The following PDE6A variants were observed in gnomAD, a reference collection of about 807,000 sequenced individuals.
PDE6A encodes phosphodiesterase 6A, also known as rod cGMP-specific 3',5'-cyclic phosphodiesterase subunit alpha.
Under a neutral mutation model 106.3 loss-of-function variants are expected in PDE6A, and 84 were observed. The ratio of observed to expected loss-of-function variants is 0.79; its 90% CI spans 0.66 to 0.95. The LOEUF (loss-of-function observed/expected upper bound fraction) is 0.95, where lower values mean the gene tolerates loss of function less well. PDE6A is among the 40% of genes least tolerant of loss of function. The pLI is 0.00. For missense variants in PDE6A, 1,052 were observed against 1,084.9 expected (o/e 0.97, Z 0.43); for synonymous variants, 394 against 386.6 (o/e 1.02, Z -0.23).
intron 4 of PDE6A, among the ~76,000 whole-genome samples, chr5:149,927,071 C>T (rs921437930): frequency 1.1e-4 from 16 of 151,824 alleles, no homozygotes; most frequent in African/African-American, 3.4e-4. Context: ...GGATATGCTC[C>T]AGGAAATGTG....
chr5:149,867,319 G>C (rs1313939784), intron 19 of PDE6A: 1 of 312,304 alleles, frequency 3.2e-6, no homozygotes, highest in African/African-American at 2.1e-5. Context: ...CTCACTCTGT[G>C]CTGTTAGATT....
intron 3 of PDE6A, among the ~76,000 whole-genome samples, chr5:149,932,886 C>A (rs1754083301): frequency 6.6e-6 from 1 of 152,258 alleles, no homozygotes; most frequent in Non-Finnish European, 1.5e-5. Flanking sequence ...CTCAAGTGGG[C>A]GCTCTCAGAG....
chr5:149,902,821 C>CAA (rs773375068), intron 8 of PDE6A, among the ~76,000 whole-genome samples: 8 of 105,552 alleles, frequency 7.6e-5, no homozygotes, highest in African/African-American at 2.0e-4. Flanking sequence ...GACTCCGTCT[C>CAA]AAAAAAAAAA....
intron 19 of PDE6A, 106 bp from the exon 20 acceptor site, chr5:149,866,359 G>C (rs1760331888): frequency 1.2e-6 from 1 of 811,456 alleles, no homozygotes; most frequent in Non-Finnish European, 2.1e-6. Flanking sequence ...CATGTTTCCA[G>C]ACCTGATGAG....
At chr5:149,861,048 C>T in intron 21 of PDE6A, 77 bp from the exon 22 acceptor site, 1 of 1,325,922 alleles carries the variant, frequency 7.5e-7, no homozygotes, top group Non-Finnish European at 1.1e-6. Flanking sequence ...TAATTTGGAC[C>T]AAGAGTTGCA....
intron 6 of PDE6A, among the ~76,000 whole-genome samples, chr5:149,912,787 G>C (rs1445032157): frequency 6.6e-6 from 1 of 152,058 alleles, no homozygotes; most frequent in Non-Finnish European, 1.5e-5. Context: ...GGCCTATCTT[G>C]GCTGAAACAA....
chr5:149,927,427 C>G (rs1202570548), intron 4 of PDE6A, among the ~76,000 whole-genome samples: 1 of 152,020 alleles, frequency 6.6e-6, no homozygotes, highest in African/African-American at 2.4e-5. Flanking sequence ...CCTTAGCTTA[C>G]TGTAATTTTT....
intron 7 of PDE6A, among the ~76,000 whole-genome samples, chr5:149,904,848 G>A (rs1753124912): frequency 6.6e-6 from 1 of 152,134 alleles, no homozygotes; most frequent in East Asian, 1.9e-4. Context: ...TCTCTCTCAT[G>A]CTTGAAAATG....
At chr5:149,896,607 A>G in intron 11 of PDE6A, 104 bp downstream of exon 11, 3 of 1,613,798 alleles carry the variant, frequency 1.9e-6, no homozygotes, top group African/African-American at 2.7e-5. Context: ...AAGGATCAGA[A>G]CAGAGTGATG....
chr5:149,870,921 GAAGA>G lies in PDE6A; in HGVS notation c.2136-2767_2136-2764del, dbSNP rs1209739465. Reference sequence around the variant, plus strand: ...AGAAAGGAAAAGAAAGAGAAAGAAAGAAGAAAGAAAGGAAGAGAAGAGAAGAGAA... The same window carrying G: ...AGAAAGGAAAAGAAAGAGAAAGAAAGAAGAAAGGAAGAGAAGAGAAGAGAA... On this transcript the variant is annotated intron_variant, in intron 17 of 21. Coordinates refer to ENST00000255266, the MANE Select transcript of PDE6A (RefSeq NM_000440.3). 6.7e-5 allele frequency among the ~76,000 whole-genome samples: 10 copies of G among 149,298 alleles called. No homozygotes were observed. The South Asian group carries it at 8.5e-4, about 13-fold the overall frequency.
rs569021800 is a variant in PDE6A at position 149,863,462 on chromosome 5, G to C, written c.2359-196C>G. Reference sequence around the variant, plus strand: ...CACCTGCTTAGAAGCCTCCTGTGGCGCCCCTGTCCTTCAGCATGAAGTGAA... The same window carrying C: ...CACCTGCTTAGAAGCCTCCTGTGGCCCCCCTGTCCTTCAGCATGAAGTGAA... On this transcript the variant is annotated intron_variant, in intron 20 of 21. Coordinates refer to ENST00000255266, the MANE Select transcript of PDE6A (RefSeq NM_000440.3). The surrounding 1 kb of genome is among the most constrained non-coding windows in gnomAD (Gnocchi z 4.7). Among the ~76,000 whole-genome samples the C allele has an allele frequency of 2.1e-3, 317 of 152,228 alleles. No individual in the cohort carries two copies. The highest frequency in any genetic ancestry group is 3.6e-3 in the Non-Finnish European group (244 of 68,004).
chr5:149,870,948 G>T (rs1284688408), intron 17 of PDE6A, among the ~76,000 whole-genome samples: 1 of 111,238 alleles, frequency 9.0e-6, no homozygotes, highest in African/African-American at 3.5e-5. Context: ...GAAGAGAAGA[G>T]AAAAGAAAAG....
intron 4 of PDE6A, among the ~76,000 whole-genome samples, chr5:149,929,382 G>T (rs756888476): frequency 2.0e-5 from 3 of 152,100 alleles, no homozygotes; most frequent in African/African-American, 7.2e-5. Context: ...CGAGGCAGGC[G>T]GATCACGAGG....
rs1760465849 is a variant in PDE6A at position 149,869,704 on chromosome 5, G to A, written c.2136-1546C>T. Among the ~76,000 whole-genome samples the A allele has an allele frequency of 1.3e-5, 2 of 152,166 alleles. 1 individual carries two copies. Among genetic ancestry groups the A allele is most frequent in the Non-Finnish European group, 2.9e-5 (2 of 68,030 alleles). On this transcript the variant is annotated intron_variant, in intron 17 of 21. Transcript: ENST00000255266. Reference sequence around the variant, plus strand: ...CTGTGCTGCAGGAAGGCAGCTGGCAGGACTAGTAGGATGGAGAAGGAAGAA... The same window carrying A: ...CTGTGCTGCAGGAAGGCAGCTGGCAAGACTAGTAGGATGGAGAAGGAAGAA...
intron 1 of PDE6A, among the ~76,000 whole-genome samples, chr5:149,937,219 G>A (rs78710958): frequency 0.051 from 7,710 of 152,268 alleles, 643 homozygotes; most frequent in African/African-American, 0.17. Context: ...AGGTAGGAAT[G>A]AGGCTGGTCC....
chr5:149,914,890 G>T (rs2113628430), intron 6 of PDE6A, 53 bp downstream of exon 6: 1 of 1,183,150 alleles, frequency 8.5e-7, no homozygotes, highest in Non-Finnish European at 1.3e-6. Flanking sequence ...AAAGCCAATT[G>T]AGATCTTTAA....
At chr5:149,922,399 C>T (rs1753750231) in intron 4 of PDE6A, among the ~76,000 whole-genome samples, 1 of 152,090 alleles carries the variant, frequency 6.6e-6, no homozygotes, top group African/African-American at 2.4e-5. Context: ...GCAACCTCCA[C>T]CTCCCGGGTT....
chr5:149,860,611 C>T lies in PDE6A; in HGVS notation c.*284G>A. 1 of 357,002 alleles carries T rather than the reference C, an allele frequency of 2.8e-6. No individual in the cohort carries two copies. The highest frequency in any genetic ancestry group is 5.1e-6 in the Non-Finnish European group (1 of 195,854). The allele number at this position is 357,002 out of a possible 1,614,324, so 22.1% of individuals were successfully genotyped here. A position where few individuals can be genotyped will look rare whatever the true frequency, so the allele number is the denominator to read the frequency against. Reference sequence around the variant, plus strand: ...CTTTGAATGCGGCCCAACACAAATTCATAAACTTTCTTAAAACATTATGAA... The same window carrying T: ...CTTTGAATGCGGCCCAACACAAATTTATAAACTTTCTTAAAACATTATGAA... On this transcript the variant is annotated 3_prime_UTR_variant, in exon 22 of 22. Coordinates refer to ENST00000255266, the MANE Select transcript of PDE6A (RefSeq NM_000440.3).
At chr5:149,928,232 T>TACATA (rs1554091941) in intron 4 of PDE6A, among the ~76,000 whole-genome samples, 1 of 11,366 alleles carries the variant, frequency 8.8e-5, no homozygotes, top group Non-Finnish European at 1.8e-4. Flanking sequence ...TATATATATA[T>TACATA]TTTTTTTTTT....
Sources: gnomAD v4.1 joint callset for allele counts (sites outside exome capture counted in the v4.1 genomes callset) on GRCh38, gnomAD v4.1.1 for gene constraint, Gnocchi (gnomAD v3.1) non-coding constraint, MANE v1.5 for transcripts, NCBI Gene and HGNC (gene_info 2026-07-23, HGNC 2026-07-21) for gene names.